The following RGS6 variants were observed in gnomAD, a reference collection of about 807,000 sequenced individuals.
RGS6 encodes regulator of G-protein signaling 6.
In RGS6, 30 loss-of-function variants were observed where a neutral mutation model predicts 78.5. That is an observed-to-expected ratio of 0.38 (90% confidence interval 0.29 to 0.52). The LOEUF (loss-of-function observed/expected upper bound fraction) is 0.52. Ranked by LOEUF, RGS6 falls within the 20% of genes least tolerant of loss-of-function variation. RGS6 has a pLI of 0.85. For synonymous variants in RGS6, 206 were observed against 206.0 expected (o/e 1.00, Z 0.00); for missense variants, 495 against 609.7 (o/e 0.81, Z 1.98).
intron 2 of RGS6, among the ~76,000 whole-genome samples, chr14:72,222,679 G>A (rs1161704333): frequency 3.9e-5 from 6 of 152,196 alleles, no homozygotes; most frequent in African/African-American, 7.2e-5. Context: ...AACATCTGGG[G>A]TATAGTTAAC....
intron 2 of RGS6, among the ~76,000 whole-genome samples, chr14:72,129,397 G>GA (rs2096269342): frequency 6.6e-6 from 1 of 152,208 alleles, no homozygotes; most frequent in South Asian, 2.1e-4. Context: ...TGAACAAACT[G>GA]AAATAAGTGT....
intron 2 of RGS6, among the ~76,000 whole-genome samples, chr14:72,237,734 C>T (rs2051494530): frequency 6.6e-6 from 1 of 152,094 alleles, no homozygotes; most frequent in East Asian, 1.9e-4. Context: ...AAACCCCCTG[C>T]CTGAGAGGGA....
intron 3 of RGS6, among the ~76,000 whole-genome samples, chr14:72,404,038 C>T (rs901251996): frequency 2.0e-5 from 3 of 152,130 alleles, no homozygotes; most frequent in Non-Finnish European, 2.9e-5. Flanking sequence ...GGAGAAACAC[C>T]GGCCATACAA....
intron 2 of RGS6, among the ~76,000 whole-genome samples, chr14:72,120,304 A>T (rs999482773): frequency 6.6e-6 from 1 of 152,224 alleles, no homozygotes; most frequent in South Asian, 2.1e-4. Flanking sequence ...CTTTCAAATG[A>T]CATCTTACAC....
chr14:72,587,286 T>C, the RGS6 span, among the ~76,000 whole-genome samples: 4 of 151,954 alleles, frequency 2.6e-5, no homozygotes, highest in African/African-American at 9.7e-5. Context: ...GACACATCCA[T>C]GAGAGAACTG....
intron 2 of RGS6, among the ~76,000 whole-genome samples, chr14:72,226,847 G>A (rs753664181): frequency 2.6e-5 from 4 of 152,126 alleles, no homozygotes; most frequent in Non-Finnish European, 4.4e-5. Context: ...CACCATGCCT[G>A]GCTAATTTTT....
Position 72,400,058 on chromosome 14 carries a change from A to G in RGS6, c.184+47864A>G, listed in dbSNP as rs569570558. Among the ~76,000 whole-genome samples the G allele has an allele frequency of 5.9e-5, 9 of 152,332 alleles. No homozygotes were observed. The East Asian group carries it at 1.5e-3, about 26-fold the overall frequency. On this transcript the variant is annotated intron_variant, in intron 3 of 17. Coordinates refer to ENST00000553525, the MANE Select transcript of RGS6 (RefSeq NM_001204424.2). ...GAGAATGCCACAAAGATACTCCTCA[A>G]GAAGAGCAACTCCAAGACACATCAT...
chr14:72,277,277 A>T (rs2060826445), intron 2 of RGS6, among the ~76,000 whole-genome samples: 1 of 152,152 alleles, frequency 6.6e-6, no homozygotes, highest in Non-Finnish European at 1.5e-5. Context: ...CCCCTTGCAG[A>T]CTCAAGCATC....
At chr14:72,363,320 A>G (rs112012614) in intron 3 of RGS6, among the ~76,000 whole-genome samples, 245 of 152,364 alleles carry the variant, frequency 1.6e-3, no homozygotes, top group African/African-American at 5.7e-3. Context: ...GAGGGAATGT[A>G]TGTGAGAAAT....
intron 6 of RGS6, among the ~76,000 whole-genome samples, chr14:72,465,197 A>T (rs1357150722): frequency 4.6e-5 from 7 of 152,212 alleles, no homozygotes. Context: ...AGCAGATCAT[A>T]AAGAACCATA....
chr14:72,023,783 T>C (rs1336552294), intron 2 of RGS6, among the ~76,000 whole-genome samples: 1 of 151,790 alleles, frequency 6.6e-6, no homozygotes, highest in African/African-American at 2.4e-5. Flanking sequence ...GGTCCTGGAG[T>C]ATTTGGAAAG....
intron 2 of RGS6, among the ~76,000 whole-genome samples, chr14:72,287,411 C>G (rs184835753): frequency 6.6e-6 from 1 of 152,022 alleles, no homozygotes; most frequent in East Asian, 1.9e-4. Context: ...TTTTATTTTT[C>G]GTTAGTATAA....
intron 2 of RGS6, among the ~76,000 whole-genome samples, chr14:71,996,685 G>A (rs1182362035): frequency 3.3e-5 from 5 of 152,034 alleles, no homozygotes; most frequent in African/African-American, 7.3e-5. Context: ...TATAACAGAC[G>A]GTCAATAAAC....
chr14:72,555,218 C>T (rs1248335476), intron 17 of RGS6, among the ~76,000 whole-genome samples: 2 of 152,192 alleles, frequency 1.3e-5, no homozygotes, highest in Non-Finnish European at 2.9e-5. Context: ...CATGTGTGTT[C>T]CTAGAGGCAT....
chr14:72,608,122 T>C, the RGS6 span, among the ~76,000 whole-genome samples: 2 of 152,206 alleles, frequency 1.3e-5, no homozygotes, highest in Non-Finnish European at 2.9e-5. Flanking sequence ...CTTGACCCCG[T>C]TCATCACATG....
At chr14:72,051,082 AC>A (rs1448891997) in intron 2 of RGS6, among the ~76,000 whole-genome samples, 3 of 152,192 alleles carry the variant, frequency 2.0e-5, no homozygotes, top group African/African-American at 7.2e-5. Flanking sequence ...TTTACAAGAA[AC>A]TTTGATTAAC....
chr14:72,121,456 CTTG>C (rs544052801), intron 2 of RGS6, among the ~76,000 whole-genome samples: 28 of 152,162 alleles, frequency 1.8e-4, no homozygotes, highest in Non-Finnish European at 3.8e-4. Context: ...CCCACACACA[CTTG>C]TTGTTAGATG....
At chr14:72,299,512 G>T (rs886708422) in intron 2 of RGS6, among the ~76,000 whole-genome samples, 2 of 152,186 alleles carry the variant, frequency 1.3e-5, no homozygotes, top group African/African-American at 4.8e-5. Flanking sequence ...AGAATTTCTG[G>T]ATCATAACGT....
chr14:72,520,953 G>A (rs1022404243), intron 15 of RGS6, among the ~76,000 whole-genome samples: 1 of 152,146 alleles, frequency 6.6e-6, no homozygotes, highest in African/African-American at 2.4e-5. Context: ...TTTCTCCAAG[G>A]ATCCCTGATT....
Sources: gnomAD v4.1 joint callset for allele counts (sites outside exome capture counted in the v4.1 genomes callset) on GRCh38, gnomAD v4.1.1 for gene constraint, MANE v1.5 for transcripts, NCBI Gene and HGNC (gene_info 2026-07-23, HGNC 2026-07-21) for gene names.